PHAX: variants seen among roughly 807,000 people sequenced by gnomAD.
PHAX encodes the protein phosphorylated adapter RNA export protein.
In PHAX, 31 loss-of-function variants were observed where a neutral mutation model predicts 41.6. The observed-to-expected ratio is 0.75, with a 90% CI of 0.56 to 1.01. The LOEUF is 1.01. PHAX is among the 50% of genes least tolerant of loss of function. The pLI, the probability that PHAX is intolerant of heterozygous loss-of-function variation, is 0.00. For synonymous variants in PHAX, 175 were observed against 164.9 expected (o/e 1.06, Z -0.47); for missense variants, 453 against 472.9 (o/e 0.96, Z 0.39).
Position 126,604,274 on chromosome 5 carries a change from C to CTTTTTTTTTTTTTTTTTTTTTTTTT in PHAX, c.710+110_710+111insTTTTTTTTTTTTTTTTTTTTTTTTT, listed in dbSNP as rs57270218. ...TGCCAAATACTTTAATGATATGTTC[C>CTTTTTTTTTTTTTTTTTTTTTTTTT]TTTTTTTTTTTTTTTTTTTGGAGAC... On this transcript the variant is annotated intron_variant, in intron 2 of 4. Coordinates refer to ENST00000297540, the MANE Select transcript of PHAX (RefSeq NM_032177.4). 3.9e-5 allele frequency: 25 copies of CTTTTTTTTTTTTTTTTTTTTTTTTT among 645,846 alleles called. 2 individuals carry two copies. In the African/African-American group the frequency reaches 7.0e-4, roughly 18 times the overall value. 40.0% of individuals were successfully genotyped at this position (645,846 alleles called of 1,614,324 possible).
rs1257494942 is a variant in PHAX at position 126,625,695 on chromosome 5, A to G, written c.*851A>G. 2.0e-5 allele frequency: 3 copies of G among 151,902 alleles called. No individual in the cohort carries two copies. Among genetic ancestry groups the G allele is most frequent in the Non-Finnish European group, 4.4e-5 (3 of 68,002 alleles). The allele number at this position is 151,902 out of a possible 1,614,324, so 9.4% of individuals were successfully genotyped here. A position where few individuals can be genotyped will look rare whatever the true frequency, so the allele number is the denominator to read the frequency against. On this transcript the variant is annotated 3_prime_UTR_variant, in exon 5 of 5. Coordinates refer to ENST00000297540, the MANE Select transcript of PHAX (RefSeq NM_032177.4). ...ATAAATGTCGGAAGTTTTCCAAGTA[A>G]CTATTTGTTTTTTGGGGGGTTTTTT...
intron 3 of PHAX, among the ~76,000 whole-genome samples, chr5:126,616,058 T>C (rs1475495346): frequency 1.3e-5 from 2 of 150,254 alleles, no homozygotes; most frequent in African/African-American, 4.9e-5. Flanking sequence ...TTTTTTTTTT[T>C]TTTTTTTGAA....
At chr5:126,605,030 T>G (rs2112829350) in intron 2 of PHAX, among the ~76,000 whole-genome samples, 1 of 150,950 alleles carries the variant, frequency 6.6e-6, no homozygotes, top group African/African-American at 2.4e-5. Context: ...CTAGACTCCA[T>G]CTCAGAAAAA....
chr5:126,605,410 T>C (rs538461945), intron 2 of PHAX, among the ~76,000 whole-genome samples: 10 of 152,152 alleles, frequency 6.6e-5, no homozygotes, highest in Non-Finnish European at 1.5e-4. Flanking sequence ...GTTTTTTGTT[T>C]ATGAGACAGT....
intron 3 of PHAX, among the ~76,000 whole-genome samples, chr5:126,609,095 A>ATT (rs761125079): frequency 0.028 from 2,859 of 101,132 alleles, 205 homozygotes; most frequent in African/African-American, 0.049. Flanking sequence ...TAGGGGTTGA[A>ATT]TTTTTTTTTT....
rs761125079 is a variant in PHAX at position 126,609,095 on chromosome 5, A to ATTTT, written c.831+631_831+634dup. Among the ~76,000 whole-genome samples the ATTTT allele has an allele frequency of 4.2e-4, 43 of 101,230 alleles. 3 individuals carry two copies. The highest frequency in any genetic ancestry group is 1.7e-3 in the African/African-American group (35 of 20,998). 66.4% of individuals were successfully genotyped at this position (101,230 alleles called of 152,430 possible). A position where few individuals can be genotyped will look rare whatever the true frequency, so the allele number is the denominator to read the frequency against. ...ATGATTTGTTAAAGGTAGGGGTTGA[A>ATTTT]TTTTTTTTTTTTTTTTTTTTTTTGA... is the stretch of plus-strand genomic sequence containing the variant. On this transcript the variant is annotated intron_variant, in intron 3 of 4. Transcript: ENST00000297540.
At chr5:126,605,280 A>G (rs145898752) in intron 2 of PHAX, among the ~76,000 whole-genome samples, 13 of 152,022 alleles carry the variant, frequency 8.6e-5, no homozygotes, top group South Asian at 2.1e-4. Flanking sequence ...TCCTGCCTCA[A>G]CTTCCCAGAT....
intron 3 of PHAX, among the ~76,000 whole-genome samples, chr5:126,613,507 C>G (rs952513792): frequency 6.6e-6 from 1 of 151,936 alleles, no homozygotes; most frequent in African/African-American, 2.4e-5. Context: ...GAAACCTTAT[C>G]TCTACCAAAA....
At chr5:126,602,195 C>T (rs1463293320) in intron 1 of PHAX, among the ~76,000 whole-genome samples, 1 of 152,250 alleles carries the variant, frequency 6.6e-6, no homozygotes, top group Non-Finnish European at 1.5e-5. Flanking sequence ...GATCCACCCG[C>T]CTCGGCCTCC....
chr5:126,616,249 T>A (rs115295345), intron 3 of PHAX, among the ~76,000 whole-genome samples: 8,625 of 152,170 alleles, frequency 0.057, 455 homozygotes, highest in African/African-American at 0.14. Context: ...TGTGCTACCA[T>A]GCCCAGCTAA....
chr5:126,611,358 A>G (rs938988653), intron 3 of PHAX, among the ~76,000 whole-genome samples: 1 of 152,158 alleles, frequency 6.6e-6, no homozygotes, highest in Non-Finnish European at 1.5e-5. Context: ...CCGGCCTCCA[A>G]ATTTACTTTC....
chr5:126,606,660 T>A (rs1460491896), intron 2 of PHAX, among the ~76,000 whole-genome samples: 1 of 152,118 alleles, frequency 6.6e-6, no homozygotes, highest in East Asian at 1.9e-4. Context: ...TGTTTTCTTT[T>A]GTTTTGTTTT....
At chr5:126,611,740 G>A (rs1752104864) in intron 3 of PHAX, among the ~76,000 whole-genome samples, 1 of 151,080 alleles carries the variant, frequency 6.6e-6, no homozygotes, top group South Asian at 2.1e-4. Context: ...GCAGTGAACT[G>A]TAATCGTGCC....
chr5:126,613,932 T>C (rs533161006), intron 3 of PHAX, among the ~76,000 whole-genome samples: 85 of 152,120 alleles, frequency 5.6e-4, no homozygotes, highest in African/African-American at 1.9e-3. Context: ...TAAGCCACAA[T>C]GCCCAGCTAA....
intron 2 of PHAX, among the ~76,000 whole-genome samples, chr5:126,604,748 A>C (rs1266663723): frequency 5.9e-5 from 9 of 152,148 alleles, no homozygotes; most frequent in Non-Finnish European, 1.0e-4. Flanking sequence ...AAAAAAAAAA[A>C]ATTATGGCCA....
At chr5:126,615,883 A>C (rs1752176387) in intron 3 of PHAX, among the ~76,000 whole-genome samples, 2 of 152,112 alleles carry the variant, frequency 1.3e-5, no homozygotes, top group South Asian at 4.1e-4. Context: ...AAACGTAACT[A>C]CCATGACTAT....
intron 4 of PHAX, among the ~76,000 whole-genome samples, chr5:126,618,517 A>T (rs1752221951): frequency 6.6e-6 from 1 of 152,088 alleles, no homozygotes; most frequent in Non-Finnish European, 1.5e-5. Context: ...CAATTTCCTA[A>T]TTTGTCCCAA....
chr5:126,610,133 G>A (rs1299245674), intron 3 of PHAX, among the ~76,000 whole-genome samples: 1 of 152,230 alleles, frequency 6.6e-6, no homozygotes, highest in Non-Finnish European at 1.5e-5. Flanking sequence ...GTATAAGAAT[G>A]AAAGTTGGGG....
At chr5:126,621,688 T>C (rs893079511) in intron 4 of PHAX, among the ~76,000 whole-genome samples, 46 of 152,218 alleles carry the variant, frequency 3.0e-4, no homozygotes, top group African/African-American at 1.1e-3. Flanking sequence ...AAATACAAAG[T>C]TTTCTGAAGG....
Sources: gnomAD v4.1 joint callset for allele counts (sites outside exome capture counted in the v4.1 genomes callset) on GRCh38, gnomAD v4.1.1 for gene constraint, MANE v1.5 for transcripts, NCBI Gene and HGNC (gene_info 2026-07-23, HGNC 2026-07-21) for gene names.